Variants in CPXM2 observed in about 807,000 individuals in gnomAD.
CPXM2 encodes inactive carboxypeptidase-like protein X2.
Under a neutral mutation model 86.1 loss-of-function variants are expected in CPXM2, and 66 were observed. The observed-to-expected ratio is 0.77, with a 90% CI of 0.63 to 0.94. The LOEUF is 0.94. CPXM2 is among the 40% of genes least tolerant of loss of function. The pLI, the probability that CPXM2 is intolerant of heterozygous loss-of-function variation, is 0.00. For missense variants in CPXM2, 948 were observed against 1,026.3 expected, an observed-to-expected ratio of 0.92 and a Z score of 1.04; for synonymous variants, 388 against 400.2, an observed-to-expected ratio of 0.97 and a Z score of 0.36.
intron 3 of CPXM2, among the ~76,000 whole-genome samples, chr10:123,853,334 A>C (rs1160677354): frequency 2.0e-5 from 3 of 152,178 alleles, no homozygotes; most frequent in African/African-American, 7.2e-5. Flanking sequence ...TAGCAGTGAG[A>C]GAATGGACTA....
chr10:123,815,896 A>G (rs977375975), intron 4 of CPXM2, among the ~76,000 whole-genome samples: 4 of 152,208 alleles, frequency 2.6e-5, no homozygotes, highest in Non-Finnish European at 5.9e-5. Context: ...GAAGGAATGT[A>G]GAGTTGGATC....
chr10:123,913,405 C>T (rs1416991832), intron 2 of CPXM2, among the ~76,000 whole-genome samples: 2 of 152,060 alleles, frequency 1.3e-5, no homozygotes, highest in South Asian at 2.1e-4. Context: ...GTATTCTTTC[C>T]CTAATGATTG....
At chr10:123,901,336 G>A (rs1945379002) in intron 2 of CPXM2, among the ~76,000 whole-genome samples, 1 of 151,982 alleles carries the variant, frequency 6.6e-6, no homozygotes, top group Non-Finnish European at 1.5e-5. Context: ...TAAATCACAT[G>A]CTGAGACCCA....
intron 8 of CPXM2, among the ~76,000 whole-genome samples, 157 bp from the exon 9 acceptor site, chr10:123,768,879 G>A (rs1175780968): frequency 1.3e-5 from 2 of 152,130 alleles, no homozygotes; most frequent in Non-Finnish European, 2.9e-5. Flanking sequence ...ATGACATCAG[G>A]ACAACTGTCT....
At chr10:123,899,865 G>A (rs1945366760) in intron 2 of CPXM2, among the ~76,000 whole-genome samples, 1 of 152,152 alleles carries the variant, frequency 6.6e-6, no homozygotes. Context: ...ACCTAGAGAT[G>A]AGGAAAAACT....
At chr10:123,868,760 T>C (rs1030563669) in intron 2 of CPXM2, among the ~76,000 whole-genome samples, 5 of 151,762 alleles carry the variant, frequency 3.3e-5, no homozygotes, top group African/African-American at 9.7e-5. Context: ...CCCAGAAACA[T>C]AGACACAAAG....
Position 123,872,424 on chromosome 10 carries a change from C to T in CPXM2, c.403+7787G>A, listed in dbSNP as rs188896294. On this transcript the variant is annotated intron_variant, in intron 2 of 13. Coordinates refer to ENST00000241305, the MANE Select transcript of CPXM2 (RefSeq NM_198148.3). ...CATATTGAGCAAAAGAAGTCAGACA[C>T]AAAAAAGCATACAATGTATGATCTG... Among the ~76,000 whole-genome samples the T allele has an allele frequency of 2.0e-4, 30 of 151,996 alleles. 2 individuals carry two copies. The East Asian group carries it at 5.6e-3, about 28-fold the overall frequency.
upstream of CPXM2, among the ~76,000 whole-genome samples, chr10:123,893,649 C>T (rs1370785347): frequency 1.3e-5 from 2 of 152,070 alleles, no homozygotes; most frequent in African/African-American, 2.4e-5. Context: ...CTTTGCTCCC[C>T]AACCCTTCCT....
chr10:123,809,128 G>C (rs190855822), intron 4 of CPXM2, among the ~76,000 whole-genome samples: 1 of 152,080 alleles, frequency 6.6e-6, no homozygotes, highest in Admixed American at 6.6e-5. Context: ...TAGTCACTTA[G>C]TGGCCTTCTC....
chr10:123,912,876 A>G (rs1945502278), intron 2 of CPXM2, among the ~76,000 whole-genome samples: 2 of 152,228 alleles, frequency 1.3e-5, no homozygotes, highest in African/African-American at 4.8e-5. Context: ...TCATTTGCCA[A>G]CTAGGTATAG....
chr10:123,878,396 T>C (rs7095732), intron 2 of CPXM2, among the ~76,000 whole-genome samples: 92,941 of 147,602 alleles, frequency 0.63, 29,883 homozygotes, highest in Non-Finnish European at 0.69. Flanking sequence ...TGGCTGCCTA[T>C]GAGACCAGTG....
rs1406320926 is a variant in CPXM2, at chr10:123,891,202, C to A, written c.304+154G>T. On this transcript the variant is annotated intron_variant, in intron 1 of 13. Transcript: ENST00000241305. The surrounding 1 kb of genome is among the most constrained non-coding windows in gnomAD (Gnocchi z 5.6). Reference sequence around the variant, plus strand: ...GGAAGCTGGGCGGGCCGGCAGGAAGCGCAGATACAGTCCCTAGGGAGGCAG... The same window carrying A: ...GGAAGCTGGGCGGGCCGGCAGGAAGAGCAGATACAGTCCCTAGGGAGGCAG... 5.3e-5 allele frequency among the ~76,000 whole-genome samples: 8 copies of A among 152,076 alleles called. No individual in the cohort carries two copies. The East Asian group carries it at 9.7e-4, about 19-fold the overall frequency.
At chr10:123,751,596 G>A (rs772158055) in intron 13 of CPXM2, 10 of 985,150 alleles carry the variant, frequency 1.0e-5, no homozygotes, top group Middle Eastern at 5.2e-4. Flanking sequence ...ACGGTGAGCC[G>A]GGTGTCTGTC....
Position 123,891,539 on chromosome 10 carries a change from A to G in CPXM2, c.121T>C (p.Trp41Arg), listed in dbSNP as rs1306424820. ...EDPDYYGQEI[W>R]SREPYYARPE... ...CGCGCGTAGTAGGGCTCCCGGCTCC[A>G]GATCTCCTGCCCGTAATAATCAGGG... Residue 41 changes from tryptophan to arginine, a missense_variant, in exon 1 of 14, where the codon TGG (tryptophan) becomes CGG (arginine). Coordinates refer to ENST00000241305, the MANE Select transcript of CPXM2 (RefSeq NM_198148.3). This position sits in a 1 kb window ranked among gnomAD's most constrained non-coding sequence, Gnocchi z 5.6. 1 of 1,548,540 alleles carries G rather than the reference A, an allele frequency of 6.5e-7. No homozygotes were observed. The highest frequency in any genetic ancestry group is 8.7e-7 in the Non-Finnish European group (1 of 1,145,656).
intron 12 of CPXM2, among the ~76,000 whole-genome samples, chr10:123,755,816 C>A (rs2133976368): frequency 6.6e-6 from 1 of 152,308 alleles, no homozygotes; most frequent in African/African-American, 2.4e-5. Flanking sequence ...GGCATTTTAT[C>A]CATAGGAGGC....
chr10:123,787,779 C>T (rs1001785744), intron 6 of CPXM2, among the ~76,000 whole-genome samples: 12 of 152,106 alleles, frequency 7.9e-5, no homozygotes, highest in Admixed American at 2.0e-4. Context: ...CCCAGAAGCC[C>T]GGGCTCAGGA....
At chr10:123,882,020 T>G (rs939536359) in intron 1 of CPXM2, among the ~76,000 whole-genome samples, 1 of 152,236 alleles carries the variant, frequency 6.6e-6, no homozygotes, top group Non-Finnish European at 1.5e-5. Flanking sequence ...AAAAGCCAGT[T>G]GAAATACCAA....
chr10:123,757,905 A>G (rs1846249852), intron 11 of CPXM2, among the ~76,000 whole-genome samples: 1 of 152,186 alleles, frequency 6.6e-6, no homozygotes, highest in Non-Finnish European at 1.5e-5. Flanking sequence ...AGAGGTAGGC[A>G]ACACAGCACA....
intron 6 of CPXM2, among the ~76,000 whole-genome samples, chr10:123,794,133 G>A (rs1047403558): frequency 3.9e-5 from 6 of 152,212 alleles, no homozygotes; most frequent in Admixed American, 1.3e-4. Context: ...GCCTTTTGGC[G>A]GCTCCTCTGT....
Sources: allele counts gnomAD v4.1 joint callset (sites outside exome capture counted in the v4.1 genomes callset), GRCh38; gene constraint gnomAD v4.1.1; non-coding constraint Gnocchi (gnomAD v3.1); transcripts MANE v1.5; gene names NCBI Gene and HGNC (gene_info 2026-07-23, HGNC 2026-07-21).